The following LDLRAD3 variants were observed in gnomAD, a reference collection of about 807,000 sequenced individuals.
The protein encoded by LDLRAD3 is low-density lipoprotein receptor class A domain-containing protein 3.
Under a neutral mutation model 29.4 loss-of-function variants are expected in LDLRAD3, and 20 were observed. The observed-to-expected ratio is 0.68, with a 90% CI of 0.48 to 0.99. The LOEUF is 0.99. Ranked by LOEUF, LDLRAD3 falls within the 50% of genes least tolerant of loss-of-function variation. LDLRAD3 has a pLI of 0.00. For synonymous variants in LDLRAD3, 157 were observed against 192.7 expected (o/e 0.81, Z 1.53); for missense variants, 420 against 454.3 (o/e 0.92, Z 0.69).
In LDLRAD3 at chr11:36,229,225, A is replaced by C. The variant is rs1590373137; in HGVS notation, c.866A>C (p.Asp289Ala). The C allele has an allele frequency of 6.2e-7, 1 of 1,613,720 alleles. No homozygotes were observed. Among genetic ancestry groups the C allele is most frequent in the Non-Finnish European group, 8.5e-7 (1 of 1,179,928 alleles). ...SSDTESLNQADLPPYRSRSGS... is the reference protein window; with the variant it reads ...SSDTESLNQAALPPYRSRSGS... ...GACACGGAATCTCTGAACCAAGCCG[A>C]CCTGCCCCCCTACCGCTCCCGGTCC... The change falls in exon 6 of 6, where the codon GAC (aspartate) becomes GCC (alanine). Residue 289 changes from aspartate (D) to alanine (A), a missense_variant. By Grantham distance (126) the Asp-to-Ala change is moderately radical. Coordinates refer to ENST00000315571, the MANE Select transcript of LDLRAD3 (RefSeq NM_174902.4).
chr11:36,099,957 T>C (rs1228304776), intron 4 of LDLRAD3, among the ~76,000 whole-genome samples: 1 of 152,160 alleles, frequency 6.6e-6, no homozygotes, highest in East Asian at 1.9e-4. Flanking sequence ...CTCTTCACAG[T>C]GGTTCTCAAA....
intron 2 of LDLRAD3, among the ~76,000 whole-genome samples, chr11:36,055,010 GATA>G: frequency 1.2e-5 from 1 of 80,876 alleles, no homozygotes; most frequent in South Asian, 4.3e-4. Context: ...TGCATGGATG[GATA>G]GATGGTTGGA....
intron 4 of LDLRAD3, among the ~76,000 whole-genome samples, chr11:36,128,502 C>T (rs946142134): frequency 2.0e-5 from 3 of 152,096 alleles, no homozygotes; most frequent in Admixed American, 6.5e-5. Flanking sequence ...GACTTTATCT[C>T]GAGAGCAGTG....
intron 1 of LDLRAD3, among the ~76,000 whole-genome samples, chr11:35,949,848 G>A (rs976578256): frequency 2.1e-4 from 32 of 152,168 alleles, no homozygotes; most frequent in African/African-American, 6.8e-4. Flanking sequence ...ATGGCTTCCT[G>A]GGGAGAAATG....
At chr11:36,035,938 T>C (rs186692266) in intron 1 of LDLRAD3, among the ~76,000 whole-genome samples, 165 bp from the exon 2 acceptor site, 2 of 152,306 alleles carry the variant, frequency 1.3e-5, no homozygotes, top group Non-Finnish European at 2.9e-5. Flanking sequence ...GGAGGTGGAC[T>C]GGGGCAGATT....
chr11:36,029,494 T>A (rs1405453552), intron 1 of LDLRAD3, among the ~76,000 whole-genome samples: 1 of 152,046 alleles, frequency 6.6e-6, no homozygotes, highest in Non-Finnish European at 1.5e-5. Flanking sequence ...GGACTTTGGA[T>A]CTCACAAAGG....
rs565811723 is a variant in LDLRAD3 at position 35,960,116 on chromosome 11, G to T, written c.46+15972G>T. ...GCATAGGATTTTAAAGTGTGCTTAGGTGGCTATCAAATGGCCTACGCTTCT... is the reference window on the plus strand; with the variant it reads ...GCATAGGATTTTAAAGTGTGCTTAGTTGGCTATCAAATGGCCTACGCTTCT... On this transcript the variant is annotated intron_variant, in intron 1 of 5. Transcript: ENST00000315571. Among the ~76,000 whole-genome samples the T allele has an allele frequency of 6.1e-4, 93 of 152,278 alleles. 1 individual carries two copies. The highest frequency in any genetic ancestry group is 3.9e-3 in the South Asian group (19 of 4,820).
intron 2 of LDLRAD3, among the ~76,000 whole-genome samples, chr11:36,045,620 T>G (rs1308139835): frequency 6.6e-6 from 1 of 152,020 alleles, no homozygotes; most frequent in Non-Finnish European, 1.5e-5. Context: ...ATAACCCTCA[T>G]GTGGTCATGG....
chr11:36,051,691 T>G (rs73450467), intron 2 of LDLRAD3, among the ~76,000 whole-genome samples: 1 of 151,942 alleles, frequency 6.6e-6, no homozygotes, highest in Non-Finnish European at 1.5e-5. Flanking sequence ...ACTCATAAAT[T>G]TTCGGAATGA....
intron 4 of LDLRAD3, among the ~76,000 whole-genome samples, chr11:36,208,700 T>A (rs1024002462): frequency 4.6e-5 from 7 of 152,126 alleles, no homozygotes; most frequent in African/African-American, 1.7e-4. Context: ...ATAAATAAAT[T>A]GGAGAAAGCA....
chr11:36,063,026 G>A (rs759979665), intron 2 of LDLRAD3, among the ~76,000 whole-genome samples: 8 of 152,176 alleles, frequency 5.3e-5, no homozygotes, highest in African/African-American at 1.2e-4. Flanking sequence ...GCATTTCATT[G>A]TCTGGATGTG....
chr11:35,971,018 C>CA (rs141889539), intron 1 of LDLRAD3, among the ~76,000 whole-genome samples: 3,952 of 152,196 alleles, frequency 0.026, 146 homozygotes, highest in African/African-American at 0.088. Flanking sequence ...GCCTGTGGGT[C>CA]ATCAAGGACC....
chr11:36,141,033 T>TCTCC, intron 4 of LDLRAD3, among the ~76,000 whole-genome samples: 1 of 147,080 alleles, frequency 6.8e-6, no homozygotes, highest in East Asian at 2.0e-4. Flanking sequence ...TCTCTCTCTC[T>TCTCC]CTCCGTGTGG....
chr11:36,089,431 A>T (rs1282449843), intron 3 of LDLRAD3, among the ~76,000 whole-genome samples: 1 of 146,274 alleles, frequency 6.8e-6, no homozygotes, highest in East Asian at 2.0e-4. Context: ...TTCCCAATAC[A>T]TTTTTTTTTT....
rs182986135 is a variant in LDLRAD3, at chr11:36,117,465, T to C, written c.454+19004T>C. Among the ~76,000 whole-genome samples, 496 of 152,370 alleles carry C rather than the reference T, an allele frequency of 3.3e-3. 2 individuals carry two copies. Among genetic ancestry groups the C allele is most frequent in the Non-Finnish European group, 5.3e-3 (360 of 68,032 alleles). On this transcript the variant is annotated intron_variant, in intron 4 of 5. Coordinates refer to ENST00000315571, the MANE Select transcript of LDLRAD3 (RefSeq NM_174902.4). ...CGTTTGCTGACTTCTGAACTGATCT[T>C]GGGTTTGGCCATTGTCATTTTCATT...
At chr11:36,121,317 G>A (rs1425959405) in intron 4 of LDLRAD3, among the ~76,000 whole-genome samples, 1 of 152,110 alleles carries the variant, frequency 6.6e-6, no homozygotes, top group African/African-American at 2.4e-5. Context: ...GAGAGGAATT[G>A]TTTCACATGG....
intron 1 of LDLRAD3, among the ~76,000 whole-genome samples, chr11:35,950,469 G>A (rs546348185): frequency 7.2e-5 from 11 of 152,182 alleles, no homozygotes; most frequent in African/African-American, 2.7e-4. Flanking sequence ...GTGGCTTTTG[G>A]ACAATAGCCT....
intron 2 of LDLRAD3, among the ~76,000 whole-genome samples, chr11:36,078,031 C>A (rs1853044916): frequency 6.6e-6 from 1 of 152,144 alleles, no homozygotes; most frequent in Admixed American, 6.5e-5. Context: ...CTCTCCGTAG[C>A]CAGGGTATCT....
chr11:36,001,508 A>G (rs1056493158), intron 1 of LDLRAD3, among the ~76,000 whole-genome samples: 5 of 152,174 alleles, frequency 3.3e-5, no homozygotes, highest in Admixed American at 6.5e-5. Context: ...AAATCTTTTA[A>G]TCTAATAATT....
Sources: gnomAD v4.1 joint callset for allele counts (sites outside exome capture counted in the v4.1 genomes callset) on GRCh38, gnomAD v4.1.1 for gene constraint, MANE v1.5 for transcripts, NCBI Gene and HGNC (gene_info 2026-07-23, HGNC 2026-07-21) for gene names.